Variants in ULK4 observed in about 807,000 individuals in gnomAD.
ULK4 encodes the protein inactive serine/threonine-protein kinase ULK4.
ULK4 carries 133 observed loss-of-function variants against 160.6 expected under a neutral mutation model. The observed-to-expected ratio is 0.83, with a 90% CI of 0.72 to 0.96. The LOEUF is 0.96. Ranked by LOEUF, ULK4 falls within the 40% of genes least tolerant of loss-of-function variation. The pLI is 0.00. For missense variants in ULK4, 1,580 were observed against 1,499.5 expected, an observed-to-expected ratio of 1.05 and a Z score of -0.89; for synonymous variants, 534 against 539.8, an observed-to-expected ratio of 0.99 and a Z score of 0.15.
chr3:41,824,104 A>C (rs2041248691), intron 18 of ULK4, among the ~76,000 whole-genome samples: 1 of 149,720 alleles, frequency 6.7e-6, no homozygotes, highest in African/African-American at 2.5e-5. Flanking sequence ...TGGGGGTTGC[A>C]GTGAGCCAAG....
chr3:41,735,890 G>A, intron 22 of ULK4, among the ~76,000 whole-genome samples: 1 of 124,674 alleles, frequency 8.0e-6, no homozygotes. Flanking sequence ...CCCTTCCTGT[G>A]TCCATGTGTT....
chr3:41,382,953 ATAGAT>A (rs908233418), intron 35 of ULK4, among the ~76,000 whole-genome samples: 7 of 152,210 alleles, frequency 4.6e-5, no homozygotes, highest in African/African-American at 1.2e-4. Flanking sequence ...TAAAATTAAT[ATAGAT>A]TAAAGAAAAA....
chr3:41,728,341 T>C lies in ULK4; in HGVS notation c.2322-10480A>G, dbSNP rs555540616. Among the ~76,000 whole-genome samples the C allele has an allele frequency of 3.3e-5, 5 of 152,248 alleles. No individual in the cohort carries two copies. In the East Asian group the frequency reaches 7.7e-4, roughly 24 times the overall value. On this transcript the variant is annotated intron_variant, in intron 22 of 36. Coordinates refer to ENST00000301831, the MANE Select transcript of ULK4 (RefSeq NM_017886.4). ...AAGGATCACAGGTTGCTTCCACTTATGGTGGAAGGCAAAGGGGTGCCAGGG... is the reference window on the plus strand; with the variant it reads ...AAGGATCACAGGTTGCTTCCACTTACGGTGGAAGGCAAAGGGGTGCCAGGG...
intron 21 of ULK4, among the ~76,000 whole-genome samples, chr3:41,786,236 G>A (rs745569070): frequency 3.9e-5 from 6 of 152,104 alleles, no homozygotes; most frequent in Non-Finnish European, 7.4e-5. Flanking sequence ...TACACTCCAA[G>A]AACTCGACAA....
intron 30 of ULK4, among the ~76,000 whole-genome samples, chr3:41,656,613 AAT>A (rs2034945099): frequency 6.6e-6 from 1 of 152,168 alleles, no homozygotes; most frequent in African/African-American, 2.4e-5. Flanking sequence ...ACCAAAAACT[AAT>A]TAGAGAAGTC....
chr3:41,710,006 T>A (rs2037037712), intron 25 of ULK4, among the ~76,000 whole-genome samples: 1 of 152,188 alleles, frequency 6.6e-6, no homozygotes, highest in Non-Finnish European at 1.5e-5. Flanking sequence ...GGACAAGCAC[T>A]GCTTCCTTTG....
intron 27 of ULK4, among the ~76,000 whole-genome samples, chr3:41,688,716 T>C (rs2036182950): frequency 6.6e-6 from 1 of 152,198 alleles, no homozygotes; most frequent in Admixed American, 6.5e-5. Flanking sequence ...AGCAATTTAG[T>C]GTCCTTTCCA....
chr3:41,958,547 CA>C (rs78864808), intron 1 of ULK4, among the ~76,000 whole-genome samples: 418 of 123,796 alleles, frequency 3.4e-3, no homozygotes, highest in Middle Eastern at 7.5e-3. Flanking sequence ...ACTAAAAATA[CA>C]AAAAAAAAAA....
intron 32 of ULK4, among the ~76,000 whole-genome samples, chr3:41,536,740 A>C (rs2086513889): frequency 6.6e-6 from 1 of 152,176 alleles, no homozygotes; most frequent in South Asian, 2.1e-4. Flanking sequence ...GAGGAGGAAG[A>C]GGAGGGGTTG....
At chr3:41,954,576 T>C in intron 2 of ULK4, 46 bp downstream of exon 2, 3 of 1,583,738 alleles carry the variant, frequency 1.9e-6, no homozygotes, top group Non-Finnish European at 1.7e-6. Context: ...CTTCTACCTA[T>C]TGTAGCTCTC....
intron 30 of ULK4, among the ~76,000 whole-genome samples, chr3:41,636,889 A>T (rs767521717): frequency 2.0e-5 from 3 of 152,154 alleles, no homozygotes; most frequent in Non-Finnish European, 4.4e-5. Flanking sequence ...GGAATTAAAG[A>T]TGTTTAATAT....
intron 21 of ULK4, among the ~76,000 whole-genome samples, chr3:41,773,766 C>G (rs1397974982): frequency 1.3e-5 from 2 of 152,182 alleles, no homozygotes; most frequent in African/African-American, 4.8e-5. Flanking sequence ...ATTGCCAAGT[C>G]AATCCTAAGC....
At chr3:41,835,757 G>T in intron 18 of ULK4, 107 bp downstream of exon 18, 1 of 693,722 alleles carries the variant, frequency 1.4e-6, no homozygotes, top group Non-Finnish European at 2.4e-6. Context: ...TTCCTCAGGC[G>T]TGCTCTAAGG....
chr3:41,832,002 A>G (rs897409031), intron 18 of ULK4, among the ~76,000 whole-genome samples: 24 of 152,068 alleles, frequency 1.6e-4, no homozygotes, highest in Non-Finnish European at 3.1e-4. Flanking sequence ...TAGTGCTGCA[A>G]TAAACATACA....
intron 30 of ULK4, among the ~76,000 whole-genome samples, chr3:41,641,871 CTT>C (rs1216590151): frequency 0.017 from 2,357 of 138,418 alleles, 65 homozygotes; most frequent in African/African-American, 0.061. Flanking sequence ...CAATTAATAC[CTT>C]TTTTTTTTTT....
intron 35 of ULK4, among the ~76,000 whole-genome samples, chr3:41,350,871 C>T (rs1178969696): frequency 6.6e-6 from 1 of 152,180 alleles, no homozygotes; most frequent in Non-Finnish European, 1.5e-5. Context: ...CTTCTTCCAG[C>T]ACAGGGAAGT....
At chr3:41,255,976 A>G (rs1013344094) in intron 35 of ULK4, among the ~76,000 whole-genome samples, 2 of 152,238 alleles carry the variant, frequency 1.3e-5, no homozygotes, top group African/African-American at 4.8e-5. Flanking sequence ...CTTTAAGGCA[A>G]GTCCTGACAA....
At chr3:41,660,226 C>T (rs530714126) in intron 30 of ULK4, among the ~76,000 whole-genome samples, 1 of 151,572 alleles carries the variant, frequency 6.6e-6, no homozygotes, top group East Asian at 1.9e-4. Context: ...ACCCAGGAAG[C>T]GGAGGTTGTG....
intron 32 of ULK4, among the ~76,000 whole-genome samples, chr3:41,564,449 C>CTTTTTTTTTTTTTT (rs71075476): frequency 1.2e-5 from 1 of 80,932 alleles, no homozygotes; most frequent in Non-Finnish European, 2.3e-5. Context: ...TCTTCTTCTT[C>CTTTTTTTTTTTTTT]TTTTTTTTTT....
Sources: allele counts gnomAD v4.1 joint callset (sites outside exome capture counted in the v4.1 genomes callset), GRCh38; gene constraint gnomAD v4.1.1; transcripts MANE v1.5; gene names NCBI Gene and HGNC (gene_info 2026-07-23, HGNC 2026-07-21).